Variants in ACTR3C observed in about 807,000 individuals in gnomAD.
The protein encoded by ACTR3C is actin-related protein 3C.
A neutral mutation model predicts 26.3 loss-of-function variants in ACTR3C; 18 were observed. The ratio of observed to expected loss-of-function variants is 0.68; its 90% CI spans 0.47 to 1.01. The LOEUF is 1.01. Ranked by LOEUF, ACTR3C falls within the 50% of genes least tolerant of loss-of-function variation. ACTR3C has a pLI of 0.00. For synonymous variants in ACTR3C, 55 were observed against 94.5 expected, an observed-to-expected ratio of 0.58 and a Z score of 2.42; for missense variants, 184 against 250.7, an observed-to-expected ratio of 0.73 and a Z score of 1.80.
At chr7:150,098,266 G>A in the ACTR3C span, among the ~76,000 whole-genome samples, 1 of 151,648 alleles carries the variant, frequency 6.6e-6, no homozygotes, top group Non-Finnish European at 1.5e-5. Context: ...CTTGAGGGGT[G>A]TAATGTTGAG....
the ACTR3C span, among the ~76,000 whole-genome samples, chr7:150,131,214 T>C: frequency 1.3e-5 from 2 of 152,064 alleles, no homozygotes; most frequent in East Asian, 1.9e-4. Flanking sequence ...TACTGTGCAA[T>C]GAAGGAAAAC....
intron 1 of ACTR3C, among the ~76,000 whole-genome samples, chr7:150,316,439 A>G (rs1370340833): frequency 1.4e-5 from 2 of 148,046 alleles, no homozygotes; most frequent in African/African-American, 4.9e-5. Context: ...GAATTTTTCT[A>G]GCTATTCTTG....
the ACTR3C span, among the ~76,000 whole-genome samples, chr7:150,040,924 C>T: frequency 2.7e-5 from 4 of 150,112 alleles, no homozygotes; most frequent in Admixed American, 1.3e-4. Context: ...AGCTTATTTG[C>T]TTCTTGTACT....
At chr7:150,082,934 CTTTTTTT>C in the ACTR3C span, among the ~76,000 whole-genome samples, 1 of 104,984 alleles carries the variant, frequency 9.5e-6, no homozygotes, top group African/African-American at 3.8e-5. Flanking sequence ...TCTTTTTTTT[CTTTTTTT>C]TTTTTCTTTT....
chr7:150,156,118 G>T, the ACTR3C span, among the ~76,000 whole-genome samples: 1 of 151,126 alleles, frequency 6.6e-6, no homozygotes, highest in Admixed American at 6.6e-5. Flanking sequence ...ATTACATACT[G>T]TTCTGGACAA....
At chr7:150,039,052 T>C in the ACTR3C span, among the ~76,000 whole-genome samples, 671 of 133,876 alleles carry the variant, frequency 5.0e-3, no homozygotes, top group African/African-American at 0.015. Flanking sequence ...AGGTACCTGC[T>C]GTCGGAAGAT....
the ACTR3C span, among the ~76,000 whole-genome samples, chr7:150,039,985 C>T: frequency 7.3e-6 from 1 of 137,710 alleles, no homozygotes; most frequent in Non-Finnish European, 1.6e-5. Context: ...GGGATTGCCT[C>T]CCCCACTGCG....
the ACTR3C span, among the ~76,000 whole-genome samples, chr7:149,936,942 AC>A: frequency 2.0e-5 from 3 of 151,588 alleles, no homozygotes; most frequent in South Asian, 6.3e-4. Flanking sequence ...GGCATGTGCC[AC>A]CATACCCAGC....
chr7:150,169,348 G>A, the ACTR3C span, among the ~76,000 whole-genome samples: 18 of 140,978 alleles, frequency 1.3e-4, no homozygotes, highest in Admixed American at 2.2e-4. Context: ...TCGCCACCGT[G>A]CTCCAGCCTG....
intron 1 of ACTR3C, among the ~76,000 whole-genome samples, chr7:150,309,747 C>T (rs1409070690): frequency 6.6e-6 from 1 of 152,206 alleles, no homozygotes; most frequent in African/African-American, 2.4e-5. Context: ...ATCACAGCCA[C>T]TTCTAGGGCC....
chr7:149,938,119 C>A, the ACTR3C span, among the ~76,000 whole-genome samples: 1 of 152,168 alleles, frequency 6.6e-6, no homozygotes, highest in Admixed American at 6.5e-5. Context: ...AATGAGGGGG[C>A]TCCAGAGAAA....
chr7:150,196,706 T>C, the ACTR3C span, among the ~76,000 whole-genome samples: 1 of 152,058 alleles, frequency 6.6e-6, no homozygotes, highest in Admixed American at 6.5e-5. Context: ...TTCCTACTCC[T>C]TGGCCTTTCT....
chr7:150,122,594 G>A, the ACTR3C span, among the ~76,000 whole-genome samples: 3 of 152,350 alleles, frequency 2.0e-5, no homozygotes, highest in African/African-American at 7.2e-5. Flanking sequence ...AACAACAGAT[G>A]CTGGAGAGGA....
At chr7:150,163,869 C>G in the ACTR3C span, among the ~76,000 whole-genome samples, 2 of 152,076 alleles carry the variant, frequency 1.3e-5, no homozygotes, top group Non-Finnish European at 2.9e-5. Context: ...GGAAGGCTCT[C>G]TGCTTTACTG....
At chr7:150,049,461 C>T in the ACTR3C span, among the ~76,000 whole-genome samples, 2 of 152,220 alleles carry the variant, frequency 1.3e-5, no homozygotes, top group Non-Finnish European at 2.9e-5. Context: ...GGAGGTAGGT[C>T]GTTGGCTTCA....
chr7:150,296,952 C>A (rs1314127469), intron 1 of ACTR3C, among the ~76,000 whole-genome samples: 2 of 151,750 alleles, frequency 1.3e-5, no homozygotes, highest in African/African-American at 4.9e-5. Context: ...CAGGAGCCAA[C>A]CCCGACGGCA....
the ACTR3C span, among the ~76,000 whole-genome samples, chr7:150,049,110 C>G: frequency 6.6e-6 from 1 of 152,146 alleles, no homozygotes; most frequent in African/African-American, 2.4e-5. Flanking sequence ...GGGCTTGCCT[C>G]CTGCCCAGCC....
At chr7:150,035,201 C>CG in the ACTR3C span, among the ~76,000 whole-genome samples, 2 of 116,952 alleles carry the variant, frequency 1.7e-5, no homozygotes, top group African/African-American at 3.7e-5. Flanking sequence ...CCCCGCCTCA[C>CG]GGGGGGTGCC....
chr7:150,181,433 A>T, the ACTR3C span, among the ~76,000 whole-genome samples: 1 of 150,826 alleles, frequency 6.6e-6, no homozygotes, highest in Non-Finnish European at 1.5e-5. Context: ...GGGAAAAAGG[A>T]AAACTTAGCT....
Sources: gnomAD v4.1 joint callset for allele counts (sites outside exome capture counted in the v4.1 genomes callset) on GRCh38, gnomAD v4.1.1 for gene constraint, MANE v1.5 for transcripts, NCBI Gene and HGNC (gene_info 2026-07-23, HGNC 2026-07-21) for gene names.